ZBTB20: variants seen among roughly 807,000 people sequenced by gnomAD.
The protein encoded by ZBTB20 is zinc finger and BTB domain containing 20, also known as zinc finger and BTB domain-containing protein 20.
ZBTB20 carries 9 observed loss-of-function variants against 56.9 expected under a neutral mutation model. The ratio of observed to expected loss-of-function variants is 0.16; its 90% confidence interval spans 0.10 to 0.28. The LOEUF is 0.28. ZBTB20 is among the 10% of genes least tolerant of loss of function. The pLI is 1.00. For synonymous variants in ZBTB20, 417 were observed against 420.7 expected (o/e 0.99, Z 0.11); for missense variants, 655 against 1,003.0 (o/e 0.65, Z 4.69).
At chr3:114,826,863 T>A (rs898377964) in intron 4 of ZBTB20, among the ~76,000 whole-genome samples, 1 of 151,558 alleles carries the variant, frequency 6.6e-6, no homozygotes, top group Non-Finnish European at 1.5e-5. Flanking sequence ...AAAAAACTAA[T>A]AAGAATAAAA....
chr3:115,053,112 A>T (rs75839006), intron 2 of ZBTB20, among the ~76,000 whole-genome samples: 1 of 152,180 alleles, frequency 6.6e-6, no homozygotes, highest in Non-Finnish European at 1.5e-5. Context: ...AAATATTGTT[A>T]ACCACAGATA....
intron 5 of ZBTB20, among the ~76,000 whole-genome samples, chr3:114,746,756 C>A (rs1386552015): frequency 7.2e-5 from 11 of 152,150 alleles, no homozygotes; most frequent in Admixed American, 7.2e-4. Flanking sequence ...GAAACACAGT[C>A]AGGAATATAG....
At position 114,748,279 on chromosome 3, in the gene ZBTB20, C is replaced by CTTCTTTCTTTCT. The variant is rs147900859; in HGVS notation, c.-343+52810_-343+52821dup. On this transcript the variant is annotated intron_variant, in intron 5 of 11. Coordinates refer to ENST00000675478, the MANE Select transcript of ZBTB20 (RefSeq NM_001348800.3). ...GATGGTTCTGGGGTTTTTGTTGTAG[C>CTTCTTTCTTTCT]TTCTTTCTTTCTTTCTTTCTTTCTT... is the stretch of plus-strand genomic sequence containing the variant. 5.8e-3 allele frequency among the ~76,000 whole-genome samples: 608 copies of CTTCTTTCTTTCT among 104,514 alleles called. 8 individuals are homozygous for CTTCTTTCTTTCT. The highest frequency in any genetic ancestry group is 8.3e-3 in the East Asian group (27 of 3,256). 68.6% of individuals were successfully genotyped at this position (104,514 alleles called of 152,430 possible). A position where few individuals can be genotyped will look rare whatever the true frequency, so the allele number is the denominator to read the frequency against.
At chr3:115,052,150 A>G (rs1275195008) in intron 2 of ZBTB20, among the ~76,000 whole-genome samples, 1 of 152,108 alleles carries the variant, frequency 6.6e-6, no homozygotes, top group Non-Finnish European at 1.5e-5. Context: ...TTAATGATAT[A>G]ATAAAACTTT....
At chr3:114,694,651 C>T (rs1250478353) in intron 5 of ZBTB20, among the ~76,000 whole-genome samples, 1 of 151,596 alleles carries the variant, frequency 6.6e-6, no homozygotes, top group African/African-American at 2.4e-5. Context: ...TTCAAAGGAC[C>T]CTGTGGCAGA....
chr3:115,127,565 C>T (rs896192351), intron 1 of ZBTB20, among the ~76,000 whole-genome samples: 1 of 151,958 alleles, frequency 6.6e-6, no homozygotes, highest in Admixed American at 6.6e-5. Context: ...TGCACTCCAG[C>T]CTGGGCAATA....
At position 114,315,587 on chromosome 3, in the gene ZBTB20, G is replaced by GTGTGTC. The variant is rs1340432456; in HGVS notation, c.*23417_*23418insGACACA. ...ACATACAGTGTGTGTGTGTGTGTGT[G>GTGTGTC]TGTGTGTGTGTGTGTGTGTACACAG... On this transcript the variant is annotated 3_prime_UTR_variant, in exon 12 of 12. Transcript: ENST00000675478. 5 of 153,186 alleles carry GTGTGTC rather than the reference G, an allele frequency of 3.3e-5. No homozygotes were observed. Among genetic ancestry groups the GTGTGTC allele is most frequent in the African/African-American group, 1.2e-4 (5 of 41,370 alleles). The allele number at this position is 153,186 out of a possible 1,614,324, so 9.5% of individuals were successfully genotyped here. A position where few individuals can be genotyped will look rare whatever the true frequency, so the allele number is the denominator to read the frequency against.
intron 2 of ZBTB20, among the ~76,000 whole-genome samples, chr3:115,054,870 A>C (rs1000391483): frequency 6.6e-6 from 1 of 152,132 alleles, no homozygotes; most frequent in African/African-American, 2.4e-5. Flanking sequence ...TCTTATAGTG[A>C]CTTACAGGCA....
At chr3:115,072,409 A>G (rs1354260186) in intron 1 of ZBTB20, among the ~76,000 whole-genome samples, 1 of 152,194 alleles carries the variant, frequency 6.6e-6, no homozygotes, top group Non-Finnish European at 1.5e-5. Context: ...TACTCATTGC[A>G]TGGCATCAGG....
chr3:114,731,736 TGTACCTAGATTAGTAACTAAC>T lies in ZBTB20; in HGVS notation c.-342-38182_-342-38162del, dbSNP rs1381630504. ...TACCTAGATTAGTAACTAACCCGGCTGTACCTAGATTAGTAACTAACCCGGCTGTACCTAGATTAGTAACTA... is the reference window on the plus strand; with the variant it reads ...TACCTAGATTAGTAACTAACCCGGCTCCGGCTGTACCTAGATTAGTAACTA... On this transcript the variant is annotated intron_variant, in intron 5 of 11. Coordinates refer to ENST00000675478, the MANE Select transcript of ZBTB20 (RefSeq NM_001348800.3). 2.2e-4 allele frequency among the ~76,000 whole-genome samples: 34 copies of T among 152,098 alleles called. 2 individuals are homozygous for T. Among genetic ancestry groups the T allele is most frequent in the East Asian group, 5.8e-4 (3 of 5,186 alleles).
At chr3:114,496,020 T>G (rs758295133) in intron 7 of ZBTB20, among the ~76,000 whole-genome samples, 3 of 150,774 alleles carry the variant, frequency 2.0e-5, no homozygotes, top group South Asian at 2.1e-4. Flanking sequence ...GCAAGTTGAT[T>G]TTTTTTTTTC....
At chr3:114,521,974 G>A (rs2046689990) in intron 6 of ZBTB20, among the ~76,000 whole-genome samples, 4 of 152,050 alleles carry the variant, frequency 2.6e-5, no homozygotes. Flanking sequence ...CACTCTCTAT[G>A]TGCCAGGCTC....
intron 2 of ZBTB20, among the ~76,000 whole-genome samples, chr3:115,001,297 C>G (rs1329109028): frequency 6.6e-6 from 1 of 151,330 alleles, no homozygotes; most frequent in African/African-American, 2.4e-5. Context: ...AGTCAGATTA[C>G]TCTTTTATAT....
intron 8 of ZBTB20, among the ~76,000 whole-genome samples, chr3:114,383,190 C>A (rs1322965981): frequency 2.0e-5 from 3 of 152,172 alleles, no homozygotes; most frequent in African/African-American, 7.2e-5. Flanking sequence ...TAAGGCTAGG[C>A]TGGCCCTCAT....
intron 5 of ZBTB20, among the ~76,000 whole-genome samples, chr3:114,746,321 CT>C (rs2067037851): frequency 1.3e-5 from 2 of 151,966 alleles, no homozygotes; most frequent in Admixed American, 1.3e-4. Flanking sequence ...AGTGCTTAAT[CT>C]TTTTTCCCCC....
At chr3:114,934,315 T>C (rs1473698452) in intron 3 of ZBTB20, among the ~76,000 whole-genome samples, 2 of 152,176 alleles carry the variant, frequency 1.3e-5, no homozygotes, top group Non-Finnish European at 2.9e-5. Context: ...CTTCTTTACT[T>C]TGCTGCCCAC....
chr3:114,634,883 T>C (rs2059169961), intron 6 of ZBTB20, among the ~76,000 whole-genome samples: 1 of 152,198 alleles, frequency 6.6e-6, no homozygotes, highest in African/African-American at 2.4e-5. Context: ...TACTGTGTAC[T>C]GACGCACCTG....
chr3:114,801,952 T>C (rs1428003303), intron 4 of ZBTB20, among the ~76,000 whole-genome samples: 17 of 151,876 alleles, frequency 1.1e-4, no homozygotes, highest in South Asian at 6.2e-4. Flanking sequence ...GCTCCAAGTA[T>C]ATAATAAATA....
At chr3:114,682,563 T>C (rs1300011970) in intron 6 of ZBTB20, among the ~76,000 whole-genome samples, 1 of 152,174 alleles carries the variant, frequency 6.6e-6, no homozygotes, top group African/African-American at 2.4e-5. Flanking sequence ...GTGCTTACCA[T>C]AATTGATGAA....
Sources: allele counts gnomAD v4.1 joint callset (sites outside exome capture counted in the v4.1 genomes callset), GRCh38; gene constraint gnomAD v4.1.1; transcripts MANE v1.5; gene names NCBI Gene and HGNC (gene_info 2026-07-23, HGNC 2026-07-21).